The following EFR3A variants were observed in gnomAD, a reference collection of about 807,000 sequenced individuals.
The protein encoded by EFR3A is EFR3 homolog A.
In EFR3A, 76 loss-of-function variants were observed where a neutral mutation model predicts 104.4. The observed-to-expected ratio is 0.73, with a 90% CI of 0.60 to 0.88. EFR3A has a LOEUF of 0.88. EFR3A is among the 40% of genes least tolerant of loss of function. The pLI is 0.00. For missense variants in EFR3A, 985 were observed against 1,012.5 expected (o/e 0.97, Z 0.37); for synonymous variants, 330 against 330.0 (o/e 1.00, Z 0.00).
intron 1 of EFR3A, among the ~76,000 whole-genome samples, chr8:131,930,415 A>G (rs1455901889): frequency 7.2e-6 from 1 of 138,368 alleles, no homozygotes; most frequent in Non-Finnish European, 1.6e-5. Flanking sequence ...AATAATTCCC[A>G]AGGACTGATA....
intron 8 of EFR3A, among the ~76,000 whole-genome samples, chr8:131,967,161 C>G (rs1819783354): frequency 6.6e-6 from 1 of 152,104 alleles, no homozygotes; most frequent in African/African-American, 2.4e-5. Context: ...GTCTTCCTGC[C>G]TAACATTCAT....
chr8:131,962,675 A>G (rs1374105015), intron 8 of EFR3A, among the ~76,000 whole-genome samples: 1 of 151,888 alleles, frequency 6.6e-6, no homozygotes, highest in African/African-American at 2.4e-5. Flanking sequence ...ACAAGGATAT[A>G]CAAGGATATC....
At chr8:131,936,910 A>G (rs1817924241) in intron 1 of EFR3A, among the ~76,000 whole-genome samples, 1 of 152,024 alleles carries the variant, frequency 6.6e-6, no homozygotes, top group Admixed American at 6.6e-5. Context: ...GCTTCACTAT[A>G]AAGGCGCGAT....
chr8:131,943,783 C>T (rs971522302), intron 2 of EFR3A, among the ~76,000 whole-genome samples: 36 of 152,054 alleles, frequency 2.4e-4, no homozygotes, highest in African/African-American at 8.7e-4. Flanking sequence ...TGGTTAAGAT[C>T]TACTGGCCTA....
chr8:132,005,241 T>C (rs539611315), intron 22 of EFR3A, among the ~76,000 whole-genome samples: 6 of 152,174 alleles, frequency 3.9e-5, no homozygotes, highest in Non-Finnish European at 7.4e-5. Flanking sequence ...AAATAGACTT[T>C]ATAGAAATGT....
At chr8:131,976,923 G>A (rs528906241) in intron 11 of EFR3A, 118 bp from the exon 12 acceptor site, 3 of 657,508 alleles carry the variant, frequency 4.6e-6, no homozygotes, top group South Asian at 3.3e-5. Flanking sequence ...GACTTAAACT[G>A]TTACAAAAAT....
chr8:131,978,722 G>T, intron 12 of EFR3A, 125 bp from the exon 13 acceptor site: 2 of 726,564 alleles, frequency 2.8e-6, no homozygotes, highest in Non-Finnish European at 2.0e-6. Context: ...TTTCTTTTAT[G>T]TCTTTTCTCC....
chr8:132,011,178 A>G lies in EFR3A; in HGVS notation c.*283A>G. On this transcript the variant is annotated 3_prime_UTR_variant, in exon 23 of 23. Transcript: ENST00000254624. ...TCACTTTATTCCACTGTTAAGTAGT[A>G]TGTTTTAAACTTTTCACAAATGTAA... The G allele has an allele frequency of 3.7e-6, 4 of 1,077,970 alleles. No individual in the cohort carries two copies. Among genetic ancestry groups the G allele is most frequent in the Non-Finnish European group, 4.5e-6 (4 of 886,490 alleles). The allele number at this position is 1,077,970 out of a possible 1,614,324, so 66.8% of individuals were successfully genotyped here. A position where few individuals can be genotyped will look rare whatever the true frequency, so the allele number is the denominator to read the frequency against.
Position 131,984,989 on chromosome 8 carries a change from C to T in EFR3A, c.1798C>T (p.Leu600=). Residue 600 remains leucine (L), a synonymous_variant, in exon 16 of 23, where the codon CTG becomes TTG. Transcript: ENST00000254624. ...PMFHRCGIMA[L]VAAYLNFVSQ... Reference sequence around the variant, plus strand: ...GTTCCATCGTTGTGGAATCATGGCACTGGTTGCAGCATACCTCAACTTTGT... The same window carrying T: ...GTTCCATCGTTGTGGAATCATGGCATTGGTTGCAGCATACCTCAACTTTGT... 2.5e-6 allele frequency: 4 copies of T among 1,613,586 alleles called. No homozygotes were observed. The highest frequency in any genetic ancestry group is 2.2e-5 in the South Asian group (2 of 91,080).
At chr8:131,904,490 A>G (rs1816142965) in intron 1 of EFR3A, among the ~76,000 whole-genome samples, 168 bp downstream of exon 1, 1 of 152,194 alleles carries the variant, frequency 6.6e-6, no homozygotes, top group Non-Finnish European at 1.5e-5. Flanking sequence ...CCTTCCGGAG[A>G]TGGCGTGAGC....
At chr8:131,960,352 A>AT (rs200422066) in intron 8 of EFR3A, among the ~76,000 whole-genome samples, 3,153 of 152,002 alleles carry the variant, frequency 0.021, 48 homozygotes, top group Non-Finnish European at 0.035. Flanking sequence ...ATGGGGGCTG[A>AT]TTTTTTTCCT....
chr8:131,948,010 C>T (rs1476950549), intron 4 of EFR3A, among the ~76,000 whole-genome samples: 1 of 151,984 alleles, frequency 6.6e-6, no homozygotes, highest in East Asian at 1.9e-4. Context: ...TATTTTTTCT[C>T]TTGTCTTTAG....
intron 7 of EFR3A, among the ~76,000 whole-genome samples, chr8:131,957,269 G>GA (rs1819050538): frequency 6.6e-6 from 1 of 151,558 alleles, no homozygotes; most frequent in African/African-American, 2.4e-5. Flanking sequence ...ATAATATATG[G>GA]ATTATGAGAA....
chr8:132,012,662 AAGC>A lies in EFR3A; in HGVS notation c.*1770_*1772del, dbSNP rs1367139929. On this transcript the variant is annotated 3_prime_UTR_variant, in exon 23 of 23. Coordinates refer to ENST00000254624, the MANE Select transcript of EFR3A (RefSeq NM_015137.6). ...TTGACTATATATTTTAAAAAAATCT[AAGC>A]AGGGGGACATGCAAAAACAATCATC... 2 of 152,566 alleles carry A rather than the reference AAGC, an allele frequency of 1.3e-5. No individual in the cohort carries two copies. Among genetic ancestry groups the A allele is most frequent in the Non-Finnish European group, 2.9e-5 (2 of 68,036 alleles). 9.5% of individuals were successfully genotyped at this position (152,566 alleles called of 1,614,324 possible).
At chr8:131,925,236 A>G (rs566207687) in intron 1 of EFR3A, among the ~76,000 whole-genome samples, 2 of 152,240 alleles carry the variant, frequency 1.3e-5, no homozygotes, top group South Asian at 2.1e-4. Flanking sequence ...AACATTTACT[A>G]TGTGATACAT....
rs1820951055 is a variant in EFR3A, at chr8:131,987,584, A to G, written c.1947A>G (p.Lys649=). ...HIFRDKCMLP[K]SLEKHEKDLY... is the part of the protein sequence containing the mutation. ...TTGATGAACTTCGCAGGCTTCCAAA[A>G]TCTTTAGAGAAGCATGAAAAAGATT... The change falls in exon 18 of 23, where the codon AAA becomes AAG. Residue 649 remains lysine, a synonymous_variant. Transcript: ENST00000254624. The G allele has an allele frequency of 6.3e-7, 1 of 1,593,100 alleles. No homozygotes were observed. Among genetic ancestry groups the G allele is most frequent in the Non-Finnish European group, 8.5e-7 (1 of 1,169,638 alleles).
intron 9 of EFR3A, among the ~76,000 whole-genome samples, chr8:131,968,916 G>A (rs1243670292): frequency 6.6e-6 from 1 of 152,174 alleles, no homozygotes; most frequent in Non-Finnish European, 1.5e-5. Flanking sequence ...TTAAAATTAA[G>A]TTGTAGCCAA....
intron 8 of EFR3A, among the ~76,000 whole-genome samples, chr8:131,967,423 C>T (rs1046322267): frequency 2.6e-5 from 4 of 151,850 alleles, no homozygotes; most frequent in Admixed American, 2.6e-4. Context: ...AGCCTGAAAA[C>T]AGGGCAGAGG....
chr8:131,919,891 A>G (rs929884328), intron 1 of EFR3A, among the ~76,000 whole-genome samples: 2 of 151,018 alleles, frequency 1.3e-5, no homozygotes, highest in Non-Finnish European at 3.0e-5. Flanking sequence ...TATATATTAT[A>G]TTTAAGTTTA....
Sources: allele counts gnomAD v4.1 joint callset (sites outside exome capture counted in the v4.1 genomes callset), GRCh38; gene constraint gnomAD v4.1.1; transcripts MANE v1.5; gene names NCBI Gene and HGNC (gene_info 2026-07-23, HGNC 2026-07-21).